Variants in ARFGAP1 observed in about 807,000 individuals in gnomAD.
The protein encoded by ARFGAP1 is ADP-ribosylation factor GTPase-activating protein 1.
Under a neutral mutation model 54.0 loss-of-function variants are expected in ARFGAP1, and 26 were observed. The ratio of observed to expected loss-of-function variants is 0.48; its 90% confidence interval spans 0.35 to 0.67. The LOEUF is 0.67. Ranked by LOEUF, ARFGAP1 falls within the 30% of genes least tolerant of loss-of-function variation. ARFGAP1 has a pLI of 0.00. For missense variants in ARFGAP1, 525 were observed against 535.8 expected, an observed-to-expected ratio of 0.98 and a Z score of 0.20; for synonymous variants, 248 against 211.9, an observed-to-expected ratio of 1.17 and a Z score of -1.48.
Position 63,277,207 on chromosome 20 carries a change from G to A in ARFGAP1, c.345G>A (p.Val115=). 6.2e-7 allele frequency: 1 copy of A among 1,611,806 alleles called. No homozygotes were observed. Residue 115 remains valine, a splice_region_variant and synonymous_variant, in exon 5 of 13, where the codon GTG becomes GTA. Transcript: ENST00000370283. ...AATGCCCTGTGTCTCCTTGTCAGGTGGTCGCTCTGGCCGAAGGCAGAGAGT... is the reference window on the plus strand; with the variant it reads ...AATGCCCTGTGTCTCCTTGTCAGGTAGTCGCTCTGGCCGAAGGCAGAGAGT... ...SRAAALFRDK[V]VALAEGREWS...
Position 63,288,363 on chromosome 20 carries a change from T to A in ARFGAP1, c.*490T>A, listed in dbSNP as rs1320404468. The A allele has an allele frequency of 4.4e-6, 2 of 456,692 alleles. No homozygotes were observed. The highest frequency in any genetic ancestry group is 8.8e-6 in the Non-Finnish European group (2 of 227,318). 28.3% of individuals were successfully genotyped at this position (456,692 alleles called of 1,614,324 possible). A position where few individuals can be genotyped will look rare whatever the true frequency, so the allele number is the denominator to read the frequency against. ...GTGGTAAAGATGGAAATGCTGGAAA[T>A]GATACTGGCGCTCACGCTGCCATCC... is the stretch of plus-strand genomic sequence containing the variant. On this transcript the variant is annotated 3_prime_UTR_variant, in exon 13 of 13. Coordinates refer to ENST00000370283, the MANE Select transcript of ARFGAP1 (RefSeq NM_018209.4).
At chr20:63,279,090 G>C in intron 7 of ARFGAP1, 95 bp downstream of exon 7, 1 of 1,251,778 alleles carries the variant, frequency 8.0e-7, no homozygotes, top group East Asian at 2.4e-5. Flanking sequence ...CCTGGAACAT[G>C]TGCTCTTTGC....
Position 63,276,488 on chromosome 20 carries a change from G to T in ARFGAP1, c.179G>T (p.Arg60Leu). Residue 60 changes from arginine to leucine, a missense_variant, in exon 4 of 13, where the codon CGC (arginine) becomes CTC (leucine). By Grantham distance (102) the Arg-to-Leu change is moderately radical. Transcript: ENST00000370283. This position sits in a 1 kb window ranked among gnomAD's most constrained non-coding sequence, Gnocchi z 5.2. The part of the protein sequence containing the change: ...RGLGVHLSFV[R>L]SVTMDKWKDI... ...GATCCTCTGCTTTCCAGCTTTGTGC[G>T]CTCTGTTACTATGGACAAGTGGAAG... 6.2e-7 allele frequency: 1 copy of T among 1,611,484 alleles called. No individual in the cohort carries two copies. The highest frequency in any genetic ancestry group is 1.1e-5 in the South Asian group (1 of 90,760).
In ARFGAP1 at chr20:63,278,470, T is replaced by G; in HGVS notation, c.530+267T>G. 5 of 486,438 alleles carry G rather than the reference T, an allele frequency of 1.0e-5. No homozygotes were observed. In the South Asian group the frequency reaches 1.1e-4, roughly 10 times the overall value. 30.1% of individuals were successfully genotyped at this position (486,438 alleles called of 1,614,324 possible). On this transcript the variant is annotated intron_variant, in intron 6 of 12. Transcript: ENST00000370283. Reference sequence around the variant, plus strand: ...TGACCCCCAGCTGCCCAGGTGTGAATTGGGGGTCTTGGGTGTATTGCAGTG... The same window carrying G: ...TGACCCCCAGCTGCCCAGGTGTGAAGTGGGGGTCTTGGGTGTATTGCAGTG...
At position 63,282,701 on chromosome 20, in the gene ARFGAP1, G is replaced by A. The variant is rs8124810; in HGVS notation, c.685-118G>A. On this transcript the variant is annotated intron_variant, in intron 8 of 12. Coordinates refer to ENST00000370283, the MANE Select transcript of ARFGAP1 (RefSeq NM_018209.4). ...AGAGTTATAGGGCCCGCCCAGAGCC[G>A]CTGGCAGCCCGGGGGCCATTGAGAG... is the stretch of plus-strand genomic sequence containing the variant. 1,926 of 1,023,250 alleles carry A rather than the reference G, an allele frequency of 1.9e-3. 24 individuals carry two copies. In the African/African-American group the frequency reaches 0.027, roughly 14 times the overall value. The allele number at this position is 1,023,250 out of a possible 1,614,324, so 63.4% of individuals were successfully genotyped here. A position where few individuals can be genotyped will look rare whatever the true frequency, so the allele number is the denominator to read the frequency against.
rs1051087311 is a variant in ARFGAP1, at chr20:63,288,587, C to G, written c.*714C>G. 1 of 445,098 alleles carries G rather than the reference C, an allele frequency of 2.2e-6. No homozygotes were observed. The highest frequency in any genetic ancestry group is 2.0e-5 in the African/African-American group (1 of 49,844). 27.6% of individuals were successfully genotyped at this position (445,098 alleles called of 1,614,324 possible). ...TGGAACTTGACCATCCTGGAACACCCTGGAAGAAAAAGGAGCGCAGGGTGG... is the reference window on the plus strand; with the variant it reads ...TGGAACTTGACCATCCTGGAACACCGTGGAAGAAAAAGGAGCGCAGGGTGG... On this transcript the variant is annotated 3_prime_UTR_variant, in exon 13 of 13. Coordinates refer to ENST00000370283, the MANE Select transcript of ARFGAP1 (RefSeq NM_018209.4).
At position 63,284,127 on chromosome 20, in the gene ARFGAP1, C is replaced by T. The variant is rs2067460166; in HGVS notation, c.718-739C>T. ...CCCCCCGGGCAAAAAAATGAGACCC[C>T]CATCTCCAAAACACACAGACCCCCA... On this transcript the variant is annotated intron_variant, in intron 9 of 12. Transcript: ENST00000370283. 4.4e-6 allele frequency: 6 copies of T among 1,350,054 alleles called. No individual in the cohort carries two copies. The South Asian group carries it at 1.1e-4, about 25-fold the overall frequency. The allele number at this position is 1,350,054 out of a possible 1,614,324, so 83.6% of individuals were successfully genotyped here.
chr20:63,284,406 G>C (rs1328646394), intron 9 of ARFGAP1: 1 of 1,074,926 alleles, frequency 9.3e-7, no homozygotes, highest in South Asian at 3.1e-5. Flanking sequence ...ATCAGGAGAG[G>C]CTGAGCTCCT....
intron 9 of ARFGAP1, 62 bp from the exon 10 acceptor site, chr20:63,284,804 A>T (rs2067481723): frequency 1.9e-6 from 3 of 1,600,716 alleles, no homozygotes; most frequent in East Asian, 4.5e-5. Flanking sequence ...CTGTGCTGCC[A>T]CTGCCGACCC....
At chr20:63,277,153 G>T in intron 4 of ARFGAP1, 52 bp from the exon 5 acceptor site, 1 of 1,528,184 alleles carries the variant, frequency 6.5e-7, no homozygotes, top group East Asian at 2.3e-5. Flanking sequence ...CGGTGCCCGA[G>T]GGCATCGCCA....
intron 1 of ARFGAP1, among the ~76,000 whole-genome samples, chr20:63,275,262 G>A (rs2067205293): frequency 6.6e-6 from 1 of 152,232 alleles, no homozygotes; most frequent in African/African-American, 2.4e-5. Flanking sequence ...ACCATTAGAA[G>A]ACAGGACTTT....
At chr20:63,286,575 G>T in intron 12 of ARFGAP1, 133 bp downstream of exon 12, 2 of 879,800 alleles carry the variant, frequency 2.3e-6, no homozygotes, top group South Asian at 3.4e-5. Context: ...CCGGGAGGTG[G>T]CTGGCATCCT....
chr20:63,284,155 G>T (rs1004378562), intron 9 of ARFGAP1: 3 of 1,318,480 alleles, frequency 2.3e-6, no homozygotes, highest in Admixed American at 7.3e-5. Context: ...GACCCCCAAC[G>T]CAGGCCTGCT....
Position 63,286,214 on chromosome 20 carries a change from T to G in ARFGAP1, c.835-152T>G, listed in dbSNP as rs1251109168. 5.2e-6 allele frequency: 8 copies of G among 1,546,698 alleles called. No homozygotes were observed. The Admixed American group carries it at 1.6e-4, about 30-fold the overall frequency. On this transcript the variant is annotated intron_variant, in intron 11 of 12. Transcript: ENST00000370283. ...CGCTGCAGAGTGGCCGGGGCGTCTGTGTCTGTACGTGTGTGCGAGGCACCC... is the reference window on the plus strand; with the variant it reads ...CGCTGCAGAGTGGCCGGGGCGTCTGGGTCTGTACGTGTGTGCGAGGCACCC...
chr20:63,288,557 A>T lies in ARFGAP1; in HGVS notation c.*684A>T. The T allele has an allele frequency of 2.2e-6, 1 of 454,044 alleles. No individual in the cohort carries two copies. Among genetic ancestry groups the T allele is most frequent in the Non-Finnish European group, 4.4e-6 (1 of 225,318 alleles). The allele number at this position is 454,044 out of a possible 1,614,324, so 28.1% of individuals were successfully genotyped here. A position where few individuals can be genotyped will look rare whatever the true frequency, so the allele number is the denominator to read the frequency against. ...CCACACCCACACCTGAGCTGTTCTCAGTGCTGGAACTTGACCATCCTGGAA... is the reference window on the plus strand; with the variant it reads ...CCACACCCACACCTGAGCTGTTCTCTGTGCTGGAACTTGACCATCCTGGAA... On this transcript the variant is annotated 3_prime_UTR_variant, in exon 13 of 13. Coordinates refer to ENST00000370283, the MANE Select transcript of ARFGAP1 (RefSeq NM_018209.4).
chr20:63,283,855 G>C, intron 9 of ARFGAP1: 1 of 1,613,694 alleles, frequency 6.2e-7, no homozygotes, highest in Non-Finnish European at 8.5e-7. Flanking sequence ...GTAAAGTTTT[G>C]GGGTCACAAG....
Position 63,287,555 on chromosome 20 carries a change from C to T in ARFGAP1, c.912-9C>T, listed in dbSNP as rs781629537. 3 of 1,574,270 alleles carry T rather than the reference C, an allele frequency of 1.9e-6. No homozygotes were observed. Among genetic ancestry groups the T allele is most frequent in the East Asian group, 2.3e-5 (1 of 44,230 alleles). ...GTCATTTAGAGTCCCCCTTCTGTCT[C>T]TTTAAAAGCCCCTCGGAGGGCCACA... On this transcript the variant is annotated splice_polypyrimidine_tract_variant and intron_variant, in intron 12 of 12. Coordinates refer to ENST00000370283, the MANE Select transcript of ARFGAP1 (RefSeq NM_018209.4).
chr20:63,284,319 T>C, intron 9 of ARFGAP1: 1 of 1,083,624 alleles, frequency 9.2e-7, no homozygotes, highest in Non-Finnish European at 1.1e-6. Context: ...TCCGTGCTGC[T>C]CCCTGCCTTT....
chr20:63,283,163 C>T (rs1009291993), intron 9 of ARFGAP1: 16 of 462,784 alleles, frequency 3.5e-5, no homozygotes, highest in East Asian at 7.7e-5. Flanking sequence ...AGATGGCCCA[C>T]GCTGGCGGTG....
Sources: gnomAD v4.1 joint callset for allele counts (sites outside exome capture counted in the v4.1 genomes callset) on GRCh38, gnomAD v4.1.1 for gene constraint, Gnocchi (gnomAD v3.1) non-coding constraint, MANE v1.5 for transcripts, NCBI Gene and HGNC (gene_info 2026-07-23, HGNC 2026-07-21) for gene names.